Variants in CLCNKA observed in about 807,000 individuals in gnomAD.
CLCNKA encodes the protein chloride channel protein ClC-Ka.
Under a neutral mutation model 83.3 loss-of-function variants are expected in CLCNKA, and 66 were observed. The ratio of observed to expected loss-of-function variants is 0.79; its 90% CI spans 0.65 to 0.97. The LOEUF (loss-of-function observed/expected upper bound fraction) is 0.97. Ranked by LOEUF, CLCNKA falls within the 50% of genes least tolerant of loss-of-function variation. The pLI, the probability that CLCNKA is intolerant of heterozygous loss-of-function variation, is 0.00. For synonymous variants in CLCNKA, 357 were observed against 370.4 expected (o/e 0.96, Z 0.42); for missense variants, 806 against 888.7 (o/e 0.91, Z 1.18).
intron 7 of CLCNKA, 148 bp downstream of exon 7, chr1:16,026,923 C>T (rs536145529): frequency 2.9e-5 from 31 of 1,084,228 alleles, no homozygotes; most frequent in Admixed American, 6.4e-5. Context: ...TAGCCACCCC[C>T]CGGGGGCGGC....
intron 15 of CLCNKA, 45 bp from the exon 16 acceptor site, chr1:16,031,665 G>T: frequency 1.2e-6 from 2 of 1,613,148 alleles, no homozygotes; most frequent in South Asian, 2.2e-5. Flanking sequence ...GCCTGGGTCT[G>T]ACATCCCCGA....
At position 16,024,892 on chromosome 1, in the gene CLCNKA, G is replaced by A. The variant is rs2124024026; in HGVS notation, c.358+1G>A. On this transcript the variant is annotated splice_donor_variant, in intron 4 of 19. Transcript: ENST00000331433. LOFTEE classifies it high-confidence loss of function. Reference sequence around the variant, plus strand: ...CAGAGCATCACGCCCTCCTCTGGAGGTGAGTCCACGGTCGCCATGCCAGTC... The same window carrying A: ...CAGAGCATCACGCCCTCCTCTGGAGATGAGTCCACGGTCGCCATGCCAGTC... 1.2e-6 allele frequency: 2 copies of A among 1,614,128 alleles called. No homozygotes were observed. The highest frequency in any genetic ancestry group is 4.5e-5 in the East Asian group (2 of 44,884).
intron 15 of CLCNKA, among the ~76,000 whole-genome samples, 177 bp from the exon 16 acceptor site, chr1:16,031,533 C>T (rs1364911931): frequency 6.6e-6 from 1 of 152,156 alleles, no homozygotes; most frequent in African/African-American, 2.4e-5. Flanking sequence ...AATGTGGTCC[C>T]CAGGTTTCCT....
chr1:16,027,123 T>A (rs1224285926), intron 7 of CLCNKA, among the ~76,000 whole-genome samples, 187 bp from the exon 8 acceptor site: 1 of 152,170 alleles, frequency 6.6e-6, no homozygotes, highest in Non-Finnish European at 1.5e-5. Flanking sequence ...CCAGGCTGGA[T>A]GGATCCCTGG....
chr1:16,026,272 C>T, intron 5 of CLCNKA, 25 bp downstream of exon 5: 1 of 1,612,650 alleles, frequency 6.2e-7, no homozygotes, highest in Non-Finnish European at 8.5e-7. Flanking sequence ...GAGGGCACCC[C>T]AGCCACCCCG....
intron 18 of CLCNKA, 70 bp downstream of exon 18, chr1:16,032,596 C>A: frequency 8.2e-7 from 1 of 1,221,910 alleles, no homozygotes; most frequent in Non-Finnish European, 1.2e-6. Context: ...GGAGCTCAGG[C>A]TCCAGCCTCC....
chr1:16,033,090 T>C, intron 18 of CLCNKA, 80 bp from the exon 19 acceptor site: 1 of 1,443,728 alleles, frequency 6.9e-7, no homozygotes, highest in Admixed American at 1.7e-5. Context: ...TCTTCCTGGC[T>C]CAGAGGCGTG....
chr1:16,027,796 G>A, intron 8 of CLCNKA, 25 bp from the exon 9 acceptor site: 1 of 1,594,298 alleles, frequency 6.3e-7, no homozygotes, highest in East Asian at 2.2e-5. Flanking sequence ...CGCCATCTTG[G>A]CTCCCCACTG....
rs1471447814 is a variant in CLCNKA, at chr1:16,022,719, G to C, written c.100G>C (p.Gly34Arg). 1.3e-6 allele frequency: 2 copies of C among 1,529,338 alleles called. No individual in the cohort carries two copies. The highest frequency in any genetic ancestry group is 2.0e-5 in the Admixed American group (1 of 49,236). 94.7% of individuals were successfully genotyped at this position (1,529,338 alleles called of 1,614,324 possible). A position where few individuals can be genotyped will look rare whatever the true frequency, so the allele number is the denominator to read the frequency against. The change falls in exon 2 of 20, where the codon GGT becomes CGT. Residue 34 changes from glycine to arginine, a missense_variant and splice_region_variant. Physicochemically the swap from Gly to Arg is moderately radical, Grantham distance 125. Transcript: ENST00000331433. ...TCCCCACATCCGCCGAGCCATCCAA[G>C]GTGAGAGCCAGGTCCTCTTCCCTAC... Reference protein sequence around the residue: ...PCPHIRRAIQGGLEWLKQKVF... With the variant: ...PCPHIRRAIQRGLEWLKQKVF...
Position 16,023,926 on chromosome 1 carries a change from G to T in CLCNKA, c.227G>T (p.Arg76Leu), listed in dbSNP as rs75291455. The T allele has an allele frequency of 3.7e-6, 6 of 1,613,994 alleles. No homozygotes were observed. The highest frequency in any genetic ancestry group is 5.1e-6 in the Non-Finnish European group (6 of 1,179,922). Residue 76 changes from arginine (R) to leucine (L), a missense_variant and splice_region_variant, in exon 3 of 20, where the codon CGA becomes CTA. Physicochemically the swap from Arg to Leu is moderately radical, Grantham distance 102. Coordinates refer to ENST00000331433, the MANE Select transcript of CLCNKA (RefSeq NM_004070.4). ...AMNFAIGCVVRAHQWLYREIG... is the reference protein window; with the variant it reads ...AMNFAIGCVVLAHQWLYREIG... ...AACTTTGCCATCGGGTGTGTGGTCCGAGGTAACTCTTCCCTGGCAGGTGCT... is the reference window on the plus strand; with the variant it reads ...AACTTTGCCATCGGGTGTGTGGTCCTAGGTAACTCTTCCCTGGCAGGTGCT...
chr1:16,029,071 G>C, intron 11 of CLCNKA, 55 bp from the exon 12 acceptor site: 1 of 1,591,456 alleles, frequency 6.3e-7, no homozygotes, highest in Non-Finnish European at 8.6e-7. Flanking sequence ...GGGGAGGCTG[G>C]GGTCTGCCGC....
chr1:16,026,391 GC>G, intron 5 of CLCNKA, 144 bp downstream of exon 5: 2 of 1,462,794 alleles, frequency 1.4e-6, no homozygotes, highest in African/African-American at 1.4e-5. Flanking sequence ...GAAGAGCCAG[GC>G]CAGGTCCCCA....
chr1:16,023,711 C>A (rs3738635), intron 2 of CLCNKA, 89 bp from the exon 3 acceptor site: 2 of 1,537,008 alleles, frequency 1.3e-6, no homozygotes, highest in Non-Finnish European at 1.8e-6. Context: ...CCAGGGTCCT[C>A]CCTGCCTGGA....
chr1:16,029,957 G>A lies in CLCNKA; in HGVS notation c.1298-8G>A, dbSNP rs747604643. The A allele has an allele frequency of 1.2e-6, 2 of 1,609,684 alleles. No homozygotes were observed. The highest frequency in any genetic ancestry group is 8.5e-7 in the Non-Finnish European group (1 of 1,176,204). ...CCTGGCTCCCCCTCACCCTAAGTCT[G>A]TGGCCAGGAGCTGCCATCGGGCGCC... On this transcript the variant is annotated splice_region_variant and splice_polypyrimidine_tract_variant and intron_variant, in intron 13 of 19. Transcript: ENST00000331433.
chr1:16,031,278 C>T (rs2022614902), intron 15 of CLCNKA, among the ~76,000 whole-genome samples: 1 of 152,218 alleles, frequency 6.6e-6, no homozygotes, highest in Middle Eastern at 3.2e-3. Context: ...TTTCAACCTT[C>T]CAAGTTTTTC....
At chr1:16,026,274 G>GCCCCCCCCCCCCCC in intron 5 of CLCNKA, 27 bp downstream of exon 5, 1 of 1,611,710 alleles carries the variant, frequency 6.2e-7, no homozygotes, top group Non-Finnish European at 8.5e-7. Context: ...GGGCACCCCA[G>GCCCCCCCCCCCCCC]CCACCCCGCC....
At chr1:16,023,268 G>A (rs1236789649) in intron 2 of CLCNKA, among the ~76,000 whole-genome samples, 3 of 152,366 alleles carry the variant, frequency 2.0e-5, no homozygotes, top group African/African-American at 7.2e-5. Flanking sequence ...GGGACCCAGA[G>A]GATACCTGGC....
Position 16,029,778 on chromosome 1 carries a change from C to T in CLCNKA, c.1275C>T (p.Tyr425=), listed in dbSNP as rs2022540481. The T allele has an allele frequency of 6.2e-7, 1 of 1,614,182 alleles. No individual in the cohort carries two copies. Among genetic ancestry groups the T allele is most frequent in the Non-Finnish European group, 8.5e-7 (1 of 1,180,028 alleles). ...CCACCATCCCCATGCCTGCCGGGTA[C>T]TTCATGCCCATCTTTATCCTTGGTG... The part of the protein sequence containing the change: ...LATTIPMPAG[Y]FMPIFILGAA... The change falls in exon 13 of 20, where the codon TAC becomes TAT. Residue 425 remains tyrosine, a synonymous_variant. Transcript: ENST00000331433.
intron 19 of CLCNKA, 29 bp from the exon 20 acceptor site, chr1:16,033,582 C>G (rs375869037): frequency 1.1e-5 from 12 of 1,049,124 alleles, no homozygotes; most frequent in Admixed American, 7.5e-5. Context: ...TACATCCCCC[C>G]CCACCTCCAC....
Sources: allele counts gnomAD v4.1 joint callset (sites outside exome capture counted in the v4.1 genomes callset), GRCh38; gene constraint gnomAD v4.1.1; transcripts MANE v1.5; gene names NCBI Gene and HGNC (gene_info 2026-07-23, HGNC 2026-07-21).